Variants in COX10 observed in about 807,000 individuals in gnomAD.
COX10 encodes the protein cytochrome c oxidase assembly factor heme A:farnesyltransferase COX10, also known as protoheme IX farnesyltransferase, mitochondrial.
COX10 carries 27 observed loss-of-function variants against 37.3 expected under a neutral mutation model. That is an observed-to-expected ratio of 0.72 (90% CI 0.53 to 1.00). The LOEUF (loss-of-function observed/expected upper bound fraction) is 1.00. Among genes scored for constraint, COX10 ranks in the 50% least tolerant of loss-of-function variants. The pLI is 0.00. For missense variants in COX10, 475 were observed against 563.2 expected, an observed-to-expected ratio of 0.84 and a Z score of 1.59; for synonymous variants, 222 against 229.1, an observed-to-expected ratio of 0.97 and a Z score of 0.28.
At chr17:14,099,307 G>A (rs774789614) in intron 3 of COX10, among the ~76,000 whole-genome samples, 7 of 151,994 alleles carry the variant, frequency 4.6e-5, no homozygotes, top group Non-Finnish European at 7.4e-5. Flanking sequence ...GGCACCTTAC[G>A]AACTACCATC....
intron 4 of COX10, among the ~76,000 whole-genome samples, chr17:14,118,259 G>C (rs143191176): frequency 6.6e-6 from 1 of 151,974 alleles, no homozygotes; most frequent in Non-Finnish European, 1.5e-5. Flanking sequence ...TGAGGGTAGA[G>C]CCCTCACCAA....
At chr17:14,116,030 A>G (rs749439856) in intron 4 of COX10, among the ~76,000 whole-genome samples, 2 of 152,196 alleles carry the variant, frequency 1.3e-5, no homozygotes, top group African/African-American at 2.4e-5. Flanking sequence ...AAAACATGGT[A>G]TACTAAGGGA....
chr17:14,146,854 A>C (rs1187868951), intron 4 of COX10, among the ~76,000 whole-genome samples: 1 of 152,222 alleles, frequency 6.6e-6, no homozygotes, highest in Non-Finnish European at 1.5e-5. Context: ...GACATTTCTC[A>C]AAAGAAGACA....
At chr17:14,072,688 C>T (rs561519916) in intron 1 of COX10, among the ~76,000 whole-genome samples, 1 of 152,324 alleles carries the variant, frequency 6.6e-6, no homozygotes, top group South Asian at 2.1e-4. Context: ...ATAATTAACT[C>T]AGGTTTGAGA....
At chr17:14,151,754 G>A (rs902529182) in intron 4 of COX10, among the ~76,000 whole-genome samples, 1 of 152,086 alleles carries the variant, frequency 6.6e-6, no homozygotes, top group Non-Finnish European at 1.5e-5. Context: ...ATTGAATATT[G>A]GGGAAGGGAA....
chr17:14,069,612 G>GC lies in COX10; in HGVS notation c.8dup (p.Ser4IlefsTer22). 1 of 1,613,966 alleles carries GC rather than the reference G, an allele frequency of 6.2e-7. No individual in the cohort carries two copies. The highest frequency in any genetic ancestry group is 8.5e-7 in the Non-Finnish European group (1 of 1,179,982). ...GGCCCCAGACTCGTAAATTATGGCC[G>GC]CATCTCCGCACACTCTCTCCTCACG... is the stretch of plus-strand genomic sequence containing the variant. On this transcript the variant is annotated frameshift_variant, in exon 1 of 7. Transcript: ENST00000261643. LOFTEE classifies it high-confidence loss of function.
At chr17:14,108,652 G>A (rs914442041) in intron 4 of COX10, among the ~76,000 whole-genome samples, 1 of 132,004 alleles carries the variant, frequency 7.6e-6, no homozygotes, top group Admixed American at 8.1e-5. Context: ...CAATATTTGA[G>A]AGACATTCAT....
chr17:14,142,721 A>T (rs542457870), intron 4 of COX10, among the ~76,000 whole-genome samples: 1 of 152,348 alleles, frequency 6.6e-6, no homozygotes, highest in East Asian at 1.9e-4. Context: ...GTTTGCTATT[A>T]AAAAGAGAAC....
intron 4 of COX10, among the ~76,000 whole-genome samples, chr17:14,103,185 A>T (rs1301646856): frequency 6.6e-6 from 1 of 152,166 alleles, no homozygotes; most frequent in Admixed American, 6.6e-5. Context: ...CAAAAAGATC[A>T]TCCCCTTCTA....
chr17:14,144,070 A>C (rs1904634110), intron 4 of COX10, among the ~76,000 whole-genome samples: 2 of 151,876 alleles, frequency 1.3e-5, no homozygotes, highest in Admixed American at 1.3e-4. Flanking sequence ...AGAATTTTAC[A>C]GTTTCTTTGT....
In COX10 at chr17:14,206,527, C is replaced by G. The variant is rs574938768; in HGVS notation, c.929-283C>G. ...AGCGTCCTGCAGCGCAGGCAGCCCC[C>G]CTGTGAAGCAGGGTCTGAGCCAGAC... On this transcript the variant is annotated intron_variant, in intron 6 of 6. Coordinates refer to ENST00000261643, the MANE Select transcript of COX10 (RefSeq NM_001303.4). Among the ~76,000 whole-genome samples, 7 of 152,192 alleles carry G rather than the reference C, an allele frequency of 4.6e-5. No homozygotes were observed. In the East Asian group the frequency reaches 1.2e-3, roughly 25 times the overall value.
chr17:14,176,357 A>ACAGC, intron 5 of COX10, among the ~76,000 whole-genome samples: 2 of 152,296 alleles, frequency 1.3e-5, no homozygotes, highest in East Asian at 3.9e-4. Flanking sequence ...TCAAATCCTC[A>ACAGC]CAGCCAGCAC....
chr17:14,126,877 T>C (rs1279155042), intron 4 of COX10, among the ~76,000 whole-genome samples: 1 of 152,162 alleles, frequency 6.6e-6, no homozygotes, highest in Non-Finnish European at 1.5e-5. Flanking sequence ...ATATTTACTT[T>C]AAATATTAAT....
chr17:14,080,586 A>G (rs867690544), intron 3 of COX10, among the ~76,000 whole-genome samples: 1 of 152,110 alleles, frequency 6.6e-6, no homozygotes, highest in African/African-American at 2.4e-5. Flanking sequence ...CGCCAATTTG[A>G]TCATTGAAAA....
At chr17:14,080,993 A>G (rs754520458) in intron 3 of COX10, among the ~76,000 whole-genome samples, 2 of 152,144 alleles carry the variant, frequency 1.3e-5, no homozygotes, top group Non-Finnish European at 2.9e-5. Context: ...TCTGGATTAT[A>G]TTTCAGTGGA....
Position 14,207,048 on chromosome 17 carries a change from T to C in COX10, c.1167T>C (p.Asn389=), listed in dbSNP as rs774958322. 6.8e-6 allele frequency: 11 copies of C among 1,613,940 alleles called. No homozygotes were observed. Among genetic ancestry groups the C allele is most frequent in the Non-Finnish European group, 9.3e-6 (11 of 1,179,944 alleles). Residue 389 remains asparagine, a synonymous_variant, in exon 7 of 7, where the codon AAT becomes AAC. Transcript: ENST00000261643. ...TCCCCATCATGGCCCTTCCCATCAA[T>C]GCGTACATCTCCTACCTCGGCTTCC... ...WTFPIMALPI[N]AYISYLGFRF...
At chr17:14,182,150 C>T (rs192217923) in intron 5 of COX10, 16,977 of 982,596 alleles carry the variant, frequency 0.017, 171 homozygotes, top group South Asian at 0.024. Flanking sequence ...GTCTCTGCGC[C>T]GAACATCATG....
chr17:14,205,985 C>G (rs2142272530), intron 6 of COX10, among the ~76,000 whole-genome samples: 1 of 152,256 alleles, frequency 6.6e-6, no homozygotes, highest in Admixed American at 6.5e-5. Flanking sequence ...AAGCCATAGA[C>G]AAGTTATCAT....
chr17:14,174,394 T>C (rs1204282459), intron 5 of COX10, among the ~76,000 whole-genome samples: 7 of 148,938 alleles, frequency 4.7e-5, no homozygotes, highest in Admixed American at 4.0e-4. Context: ...AGGAAGCAGA[T>C]GTTGCAGTCA....
Sources: allele counts gnomAD v4.1 joint callset (sites outside exome capture counted in the v4.1 genomes callset), GRCh38; gene constraint gnomAD v4.1.1; transcripts MANE v1.5; gene names NCBI Gene and HGNC (gene_info 2026-07-23, HGNC 2026-07-21).